The following SLC35F4 variants were observed in gnomAD, a reference collection of about 807,000 sequenced individuals.
The protein encoded by SLC35F4 is chromosome 14 open reading frame 36.
In SLC35F4, 24 loss-of-function variants were observed where a neutral mutation model predicts 44.2. The observed-to-expected ratio is 0.54, with a 90% CI of 0.39 to 0.76. The LOEUF (loss-of-function observed/expected upper bound fraction) is 0.76, where lower values mean the gene tolerates loss of function less well. Ranked by LOEUF, SLC35F4 falls within the 30% of genes least tolerant of loss-of-function variation. SLC35F4 has a pLI of 0.00. For synonymous variants in SLC35F4, 238 were observed against 223.6 expected, an observed-to-expected ratio of 1.06 and a Z score of -0.57; for missense variants, 562 against 586.1, an observed-to-expected ratio of 0.96 and a Z score of 0.42.
chr14:57,712,653 T>C (rs1398155723), intron 1 of SLC35F4, among the ~76,000 whole-genome samples: 1 of 152,226 alleles, frequency 6.6e-6, no homozygotes, highest in Non-Finnish European at 1.5e-5. Flanking sequence ...TTCATTTACT[T>C]TCATTTCAGA....
At chr14:57,946,464 C>G (rs7151709) in intron 1 of SLC35F4, among the ~76,000 whole-genome samples, 10,082 of 124,516 alleles carry the variant, frequency 0.081, 480 homozygotes, top group Middle Eastern at 0.14. Flanking sequence ...GTTTTGTTTT[C>G]TTTTCTTTTT....
chr14:57,597,652 C>A (rs1195176149), intron 1 of SLC35F4, among the ~76,000 whole-genome samples: 3 of 152,150 alleles, frequency 2.0e-5, no homozygotes, highest in Non-Finnish European at 4.4e-5. Context: ...AAGGTCACAT[C>A]AAAGGTGTCT....
intron 1 of SLC35F4, among the ~76,000 whole-genome samples, chr14:57,648,199 A>C (rs116834491): frequency 0.01 from 1,537 of 152,312 alleles, 24 homozygotes; most frequent in African/African-American, 0.035. Context: ...ATTTGAAGAA[A>C]TGATACATCA....
In SLC35F4 at chr14:57,614,807, G is replaced by C. The variant is rs116209168; in HGVS notation, c.104-20683C>G. Among the ~76,000 whole-genome samples, 606 of 152,312 alleles carry C rather than the reference G, an allele frequency of 4.0e-3. 3 individuals carry two copies. The highest frequency in any genetic ancestry group is 0.014 in the African/African-American group (588 of 41,582). ...GACTTCTGGGTGGTAGATCAGCCAT[G>C]AAGATAGCTTGGTTCCTGCTCTAAA... is the stretch of plus-strand genomic sequence containing the variant. On this transcript the variant is annotated intron_variant, in intron 1 of 7. Transcript: ENST00000556826.
chr14:57,687,441 C>T (rs539708821), intron 1 of SLC35F4, among the ~76,000 whole-genome samples: 128 of 152,294 alleles, frequency 8.4e-4, no homozygotes, highest in Non-Finnish European at 1.5e-3. Context: ...GCTATTTGAA[C>T]ACTGGTATTC....
rs553362693 is a variant in SLC35F4 at position 57,892,832 on chromosome 14, A to AC, written n.282+89080dup. On this transcript the variant is annotated intron_variant and non_coding_transcript_variant, in intron 1 of 1. Transcript: ENST00000556568. The stretch of plus-strand genomic sequence containing the variant: ...CATTTTCTTTCTCCACAAATAACCA[A>AC]CAAAAAAAAAGTTCTCTCTGTGCAT... Among the ~76,000 whole-genome samples, 522 of 152,258 alleles carry AC rather than the reference A, an allele frequency of 3.4e-3. 2 individuals are homozygous for AC. Among genetic ancestry groups the AC allele is most frequent in the Middle Eastern group, 0.027 (8 of 294 alleles).
At chr14:57,720,847 C>A (rs2076066530) in intron 1 of SLC35F4, among the ~76,000 whole-genome samples, 1 of 151,818 alleles carries the variant, frequency 6.6e-6, no homozygotes, top group Non-Finnish European at 1.5e-5. Flanking sequence ...TTCTCTCATG[C>A]TGGATGCTTC....
intron 1 of SLC35F4, among the ~76,000 whole-genome samples, chr14:57,607,853 G>T (rs182120546): frequency 6.6e-6 from 1 of 152,160 alleles, no homozygotes; most frequent in Non-Finnish European, 1.5e-5. Flanking sequence ...GAACAGTATC[G>T]CAGAGATGGA....
At chr14:57,781,089 C>T (rs1029512806) in intron 1 of SLC35F4, among the ~76,000 whole-genome samples, 1 of 152,102 alleles carries the variant, frequency 6.6e-6, no homozygotes, top group Non-Finnish European at 1.5e-5. Context: ...AACTAAAGAG[C>T]TTCTGCACAG....
intron 1 of SLC35F4, among the ~76,000 whole-genome samples, chr14:57,683,668 T>A (rs1218399547): frequency 6.6e-6 from 1 of 152,204 alleles, no homozygotes; most frequent in African/African-American, 2.4e-5. Context: ...TACTACTATT[T>A]TGTGACAAAT....
chr14:57,591,608 C>T (rs2070183270), intron 2 of SLC35F4, among the ~76,000 whole-genome samples: 1 of 152,178 alleles, frequency 6.6e-6, no homozygotes, highest in African/African-American at 2.4e-5. Context: ...AGATTGAACC[C>T]AACTGAATCA....
At chr14:57,870,394 C>T (rs1444240535), upstream of SLC35F4, among the ~76,000 whole-genome samples, 1 of 152,070 alleles carries the variant, frequency 6.6e-6, no homozygotes. Context: ...AGCTGCGTGA[C>T]CTTGGGTAAA....
rs189850681 is a variant in SLC35F4 at position 57,844,951 on chromosome 14, G to A, written c.103+20772C>T. Among the ~76,000 whole-genome samples the A allele has an allele frequency of 4.4e-3, 659 of 149,754 alleles. 5 individuals carry two copies. Among genetic ancestry groups the A allele is most frequent in the African/African-American group, 0.016 (627 of 40,322 alleles). ...TCTGTCTCTTCCCCCACCCCCCCAT[G>A]CACATACAAAATCTTAAGGCCATCT... On this transcript the variant is annotated intron_variant, in intron 1 of 7. Coordinates refer to ENST00000556826, the MANE Select transcript of SLC35F4 (RefSeq NM_001306087.2).
In SLC35F4 at chr14:57,668,737, G is replaced by A. The variant is rs534186784; in HGVS notation, c.104-74613C>T. 2.4e-3 allele frequency among the ~76,000 whole-genome samples: 364 copies of A among 152,194 alleles called. 1 individual carries two copies. Among genetic ancestry groups the A allele is most frequent in the African/African-American group, 8.1e-3 (335 of 41,476 alleles). On this transcript the variant is annotated intron_variant, in intron 1 of 7. Transcript: ENST00000556826. ...CATGCTGTTTGGTTACTGTAGCCTT[G>A]TAATATAGTTTGAAGTCAGGTAGCA...
At chr14:57,667,155 T>C (rs2074337166) in intron 1 of SLC35F4, among the ~76,000 whole-genome samples, 1 of 150,542 alleles carries the variant, frequency 6.6e-6, no homozygotes, top group Non-Finnish European at 1.5e-5. Context: ...CACAGATGCA[T>C]ATGCGCTCCT....
At chr14:57,811,661 A>G (rs187469635) in intron 1 of SLC35F4, among the ~76,000 whole-genome samples, 2 of 152,380 alleles carry the variant, frequency 1.3e-5, no homozygotes, top group Non-Finnish European at 2.9e-5. Flanking sequence ...ATTGCATAAC[A>G]AAAACGATGG....
At chr14:57,693,875 A>T (rs2075304611) in intron 1 of SLC35F4, among the ~76,000 whole-genome samples, 3 of 152,262 alleles carry the variant, frequency 2.0e-5, no homozygotes, top group African/African-American at 7.2e-5. Flanking sequence ...CCCAATCAGA[A>T]TTTGAGCACG....
downstream of SLC35F4, among the ~76,000 whole-genome samples, chr14:57,974,220 G>A (rs1251914879): frequency 1.3e-5 from 2 of 152,026 alleles, no homozygotes; most frequent in Non-Finnish European, 1.5e-5. Flanking sequence ...GCCCAGCTGC[G>A]ACTGTCAAGT....
intron 1 of SLC35F4, among the ~76,000 whole-genome samples, chr14:57,965,768 CAA>C (rs1376461231): frequency 6.6e-6 from 1 of 152,134 alleles, no homozygotes; most frequent in Non-Finnish European, 1.5e-5. Flanking sequence ...GGAAAGGAAA[CAA>C]AGAGTAGGTC....
Sources: allele counts gnomAD v4.1 joint callset (sites outside exome capture counted in the v4.1 genomes callset), GRCh38; gene constraint gnomAD v4.1.1; transcripts MANE v1.5; gene names NCBI Gene and HGNC (gene_info 2026-07-23, HGNC 2026-07-21).